The following GLIS3 variants were observed in gnomAD, a reference collection of about 807,000 sequenced individuals.
GLIS3 encodes the protein zinc finger protein GLIS3.
Under a neutral mutation model 78.6 loss-of-function variants are expected in GLIS3, and 53 were observed. The ratio of observed to expected loss-of-function variants is 0.67; its 90% CI spans 0.54 to 0.85. GLIS3 has a LOEUF of 0.85. GLIS3 is among the 40% of genes least tolerant of loss of function. The probability of loss-of-function intolerance (pLI) is 0.00; values close to 1 mark genes in which losing one functional copy is unlikely to be tolerated. For missense variants in GLIS3, 1,703 were observed against 1,231.1 expected, an observed-to-expected ratio of 1.38 and a Z score of -5.74; for synonymous variants, 684 against 509.9, an observed-to-expected ratio of 1.34 and a Z score of -4.60.
rs561457812 is a variant in GLIS3 at position 3,848,329 on chromosome 9, C to T, written c.2473+7680G>A. Among the ~76,000 whole-genome samples the T allele has an allele frequency of 2.4e-4, 36 of 152,042 alleles. 1 individual carries two copies. In the South Asian group the frequency reaches 7.3e-3, roughly 31 times the overall value. On this transcript the variant is annotated intron_variant, in intron 9 of 10. Coordinates refer to ENST00000381971, the MANE Select transcript of GLIS3 (RefSeq NM_001042413.2). Reference sequence around the variant, plus strand: ...CAGCCTGGCCAACATGGTGAAACCCCGTCTCTACTAAAAATACAAAAAATT... The same window carrying T: ...CAGCCTGGCCAACATGGTGAAACCCTGTCTCTACTAAAAATACAAAAAATT...
At chr9:4,215,987 G>C (rs980546885) in intron 2 of GLIS3, among the ~76,000 whole-genome samples, 1 of 152,066 alleles carries the variant, frequency 6.6e-6, no homozygotes, top group African/African-American at 2.4e-5. Flanking sequence ...TTTGATGCTG[G>C]ACTCCATGAT....
At chr9:3,859,610 A>G (rs527920308) in intron 8 of GLIS3, among the ~76,000 whole-genome samples, 1 of 152,270 alleles carries the variant, frequency 6.6e-6, no homozygotes, top group African/African-American at 2.4e-5. Flanking sequence ...ACTCCCATTC[A>G]TCTTCAGTTA....
At chr9:4,394,104 G>A in the GLIS3 span, among the ~76,000 whole-genome samples, 2 of 151,846 alleles carry the variant, frequency 1.3e-5, no homozygotes, top group African/African-American at 4.8e-5. Flanking sequence ...AGAAAAAAGA[G>A]TTTTTGACTG....
chr9:4,252,929 A>G (rs1824536031), intron 2 of GLIS3, among the ~76,000 whole-genome samples: 1 of 152,206 alleles, frequency 6.6e-6, no homozygotes, highest in South Asian at 2.1e-4. Flanking sequence ...TTGCCTGGGT[A>G]TCACCAGTGG....
intron 2 of GLIS3, among the ~76,000 whole-genome samples, chr9:4,145,803 A>C (rs1834182542): frequency 2.0e-5 from 3 of 151,076 alleles, no homozygotes; most frequent in African/African-American, 7.3e-5. Context: ...AGTATCAGCC[A>C]GTTCTGACTC....
At chr9:4,291,921 C>G (rs556012945) in intron 1 of GLIS3, among the ~76,000 whole-genome samples, 21 of 152,130 alleles carry the variant, frequency 1.4e-4, no homozygotes, top group African/African-American at 5.1e-4. Flanking sequence ...TTTACTTTGC[C>G]CCAGTCATTA....
At chr9:4,374,901 C>T in the GLIS3 span, among the ~76,000 whole-genome samples, 2 of 152,232 alleles carry the variant, frequency 1.3e-5, no homozygotes, top group Non-Finnish European at 2.9e-5. Context: ...TTCCACCTGA[C>T]AACTCATCTC....
chr9:4,221,166 C>T (rs947426836), intron 2 of GLIS3, among the ~76,000 whole-genome samples: 1 of 152,052 alleles, frequency 6.6e-6, no homozygotes, highest in African/African-American at 2.4e-5. Flanking sequence ...AAGAAACGTA[C>T]ATACATACAT....
At chr9:4,172,395 C>G (rs1336737570) in intron 2 of GLIS3, among the ~76,000 whole-genome samples, 1 of 152,104 alleles carries the variant, frequency 6.6e-6, no homozygotes, top group African/African-American at 2.4e-5. Flanking sequence ...AAGACACATG[C>G]AAGCAGTTTC....
the GLIS3 span, among the ~76,000 whole-genome samples, chr9:4,407,584 T>C: frequency 1.7e-3 from 254 of 152,232 alleles, 2 homozygotes; most frequent in Non-Finnish European, 2.8e-3. Flanking sequence ...GAGGCGGAGC[T>C]TGCGGTGAGC....
intron 4 of GLIS3, among the ~76,000 whole-genome samples, chr9:4,099,364 T>C (rs1830193953): frequency 6.6e-6 from 1 of 152,216 alleles, no homozygotes; most frequent in Non-Finnish European, 1.5e-5. Flanking sequence ...TGGCAATCTT[T>C]GGCTTGCAGA....
intron 4 of GLIS3, among the ~76,000 whole-genome samples, chr9:3,965,933 T>C (rs766915555): frequency 1.3e-4 from 20 of 152,230 alleles, no homozygotes; most frequent in Non-Finnish European, 2.4e-4. Context: ...TAAAACCTCG[T>C]TCTTCACTGT....
chr9:4,424,183 G>C, the GLIS3 span, among the ~76,000 whole-genome samples: 4 of 152,164 alleles, frequency 2.6e-5, no homozygotes, highest in Non-Finnish European at 1.5e-5. Flanking sequence ...AAGCCTATGA[G>C]GTAGCAGGAA....
At chr9:4,321,897 G>A (rs1318359326) in intron 2 of GLIS3, among the ~76,000 whole-genome samples, 1 of 151,894 alleles carries the variant, frequency 6.6e-6, no homozygotes, top group African/African-American at 2.4e-5. Flanking sequence ...TTATTATTAT[G>A]CTTTAATTTC....
At chr9:3,844,553 T>A (rs1297132277) in intron 9 of GLIS3, among the ~76,000 whole-genome samples, 1 of 152,214 alleles carries the variant, frequency 6.6e-6, no homozygotes, top group Non-Finnish European at 1.5e-5. Context: ...TAATATTAAT[T>A]AAACACTTTC....
intron 2 of GLIS3, among the ~76,000 whole-genome samples, chr9:4,216,650 G>C (rs1820877558): frequency 6.6e-6 from 1 of 152,110 alleles, no homozygotes; most frequent in African/African-American, 2.4e-5. Context: ...ATACCTAGTT[G>C]CTTCTTGTTT....
chr9:4,136,038 G>T (rs950187930), intron 2 of GLIS3, among the ~76,000 whole-genome samples: 3 of 152,290 alleles, frequency 2.0e-5, no homozygotes. Context: ...AACACCAAAG[G>T]ATGACAATTA....
At chr9:4,209,162 C>G (rs547223196) in intron 2 of GLIS3, among the ~76,000 whole-genome samples, 1 of 152,204 alleles carries the variant, frequency 6.6e-6, no homozygotes, top group East Asian at 1.9e-4. Context: ...CTGGAGACCC[C>G]CTGATCTAAC....
chr9:4,365,403 A>G, the GLIS3 span, among the ~76,000 whole-genome samples: 1 of 152,012 alleles, frequency 6.6e-6, no homozygotes, highest in Non-Finnish European at 1.5e-5. Flanking sequence ...TAAAAGTATA[A>G]AAAATTAGCC....
Sources: allele counts gnomAD v4.1 joint callset (sites outside exome capture counted in the v4.1 genomes callset), GRCh38; gene constraint gnomAD v4.1.1; transcripts MANE v1.5; gene names NCBI Gene and HGNC (gene_info 2026-07-23, HGNC 2026-07-21).